Variants in CBX8 observed in about 807,000 individuals in gnomAD.
The protein encoded by CBX8 is chromobox 8.
CBX8 carries 8 observed loss-of-function variants against 39.7 expected under a neutral mutation model. The observed-to-expected ratio is 0.20, with a 90% CI of 0.12 to 0.36. The LOEUF (loss-of-function observed/expected upper bound fraction) is 0.36. Ranked by LOEUF, CBX8 falls within the 10% of genes least tolerant of loss-of-function variation. The probability of loss-of-function intolerance (pLI) is 1.00; values close to 1 mark genes in which losing one functional copy is unlikely to be tolerated. For missense variants in CBX8, 505 were observed against 529.6 expected, an observed-to-expected ratio of 0.95 and a Z score of 0.46; for synonymous variants, 268 against 219.8, an observed-to-expected ratio of 1.22 and a Z score of -1.94.
intron 1 of CBX8, 55 bp from the exon 2 acceptor site, chr17:79,796,595 T>A: frequency 6.3e-7 from 1 of 1,597,460 alleles, no homozygotes; most frequent in Non-Finnish European, 8.6e-7. Flanking sequence ...ATGACGAGGA[T>A]ACAAGAAATG....
Position 79,795,827 on chromosome 17 carries a change from T to C in CBX8, c.246+230A>G, listed in dbSNP as rs1032032756. On this transcript the variant is annotated intron_variant, in intron 4 of 4. Coordinates refer to ENST00000269385, the MANE Select transcript of CBX8 (RefSeq NM_020649.3). The surrounding 1 kb of genome is among the most constrained non-coding windows in gnomAD (Gnocchi z 5.8). ...AAAGTACACTTTTTGCATTTGATTA[T>C]TGTGTCCATTTGGGAGGGGGAGCGT... 4.6e-5 allele frequency among the ~76,000 whole-genome samples: 7 copies of C among 152,194 alleles called. No individual in the cohort carries two copies. The highest frequency in any genetic ancestry group is 1.2e-4 in the African/African-American group (5 of 41,448).
In CBX8 at chr17:79,794,561, G is replaced by T; in HGVS notation, c.*74C>A. ...CAGCCAAAAGGCCACATCCCACCCA[G>T]AAATAAAAATCACTATGCCAAGCTC... On this transcript the variant is annotated 3_prime_UTR_variant, in exon 5 of 5. Transcript: ENST00000269385. 8.1e-7 allele frequency: 1 copy of T among 1,229,720 alleles called. No homozygotes were observed. Among genetic ancestry groups the T allele is most frequent in the Non-Finnish European group, 1.1e-6 (1 of 883,812 alleles). 76.2% of individuals were successfully genotyped at this position (1,229,720 alleles called of 1,614,324 possible).
rs941619894 is a variant in CBX8, at chr17:79,793,152, G to A, written c.*1483C>T. ...GGAGCGCAGAGCGGTCAAGTCCGCC[G>A]GGCAGGGGCGTCCCAGGCCCCGCCG... On this transcript the variant is annotated 3_prime_UTR_variant, in exon 5 of 5. Transcript: ENST00000269385. The A allele has an allele frequency of 7.9e-5, 12 of 152,366 alleles. No individual in the cohort carries two copies. The highest frequency in any genetic ancestry group is 1.5e-4 in the Non-Finnish European group (10 of 68,058). The allele number at this position is 152,366 out of a possible 1,614,324, so 9.4% of individuals were successfully genotyped here. A position where few individuals can be genotyped will look rare whatever the true frequency, so the allele number is the denominator to read the frequency against.
chr17:79,796,448 A>C (rs1443478341), intron 2 of CBX8, 49 bp downstream of exon 2: 2 of 1,612,124 alleles, frequency 1.2e-6, no homozygotes, highest in East Asian at 2.2e-5. Context: ...GAAGAAAGAA[A>C]CCTCCCGAAT....
chr17:79,795,977 T>C lies in CBX8; in HGVS notation c.246+80A>G, dbSNP rs773664371. Reference sequence around the variant, plus strand: ...ATAGGCAACATGTGTGGACACCCCATTGGCTCACAGCCCTCAGAGCCCCCT... The same window carrying C: ...ATAGGCAACATGTGTGGACACCCCACTGGCTCACAGCCCTCAGAGCCCCCT... On this transcript the variant is annotated intron_variant, in intron 4 of 4. Coordinates refer to ENST00000269385, the MANE Select transcript of CBX8 (RefSeq NM_020649.3). The surrounding 1 kb of genome is among the most constrained non-coding windows in gnomAD (Gnocchi z 5.8). 7.6e-5 allele frequency: 99 copies of C among 1,299,834 alleles called. No homozygotes were observed. Among genetic ancestry groups the C allele is most frequent in the Non-Finnish European group, 1.1e-4 (97 of 902,676 alleles). The allele number at this position is 1,299,834 out of a possible 1,614,324, so 80.5% of individuals were successfully genotyped here.
In CBX8 at chr17:79,796,422, G is replaced by A. The variant is rs554146536; in HGVS notation, c.113+75C>T. The A allele has an allele frequency of 5.0e-6, 8 of 1,603,322 alleles. No homozygotes were observed. The Admixed American group carries it at 5.0e-5, about 10-fold the overall frequency. ...TCATTGCATTGTATTGTATTTCAATGTAAAGGCAAAAAGAGGAAGAAAGAA... is the reference window on the plus strand; with the variant it reads ...TCATTGCATTGTATTGTATTTCAATATAAAGGCAAAAAGAGGAAGAAAGAA... On this transcript the variant is annotated intron_variant, in intron 2 of 4. Transcript: ENST00000269385.
At position 79,795,806 on chromosome 17, in the gene CBX8, T is replaced by G. The variant is rs2145839070; in HGVS notation, c.247-248A>C. 6.6e-6 allele frequency among the ~76,000 whole-genome samples: 1 copy of G among 152,272 alleles called. No individual in the cohort carries two copies. ...GCTGGAAGTAGTCATTTGCAAAAAG[T>G]ACACTTTTTGCATTTGATTATTGTG... On this transcript the variant is annotated intron_variant, in intron 4 of 4. Coordinates refer to ENST00000269385, the MANE Select transcript of CBX8 (RefSeq NM_020649.3). This position sits in a 1 kb window ranked among gnomAD's most constrained non-coding sequence, Gnocchi z 5.8.
Position 79,794,544 on chromosome 17 carries a change from A to T in CBX8, c.*91T>A. 2.0e-6 allele frequency: 2 copies of T among 1,019,384 alleles called. No individual in the cohort carries two copies. The highest frequency in any genetic ancestry group is 2.9e-6 in the Non-Finnish European group (2 of 698,676). The allele number at this position is 1,019,384 out of a possible 1,614,324, so 63.1% of individuals were successfully genotyped here. On this transcript the variant is annotated 3_prime_UTR_variant, in exon 5 of 5. Transcript: ENST00000269385. ...GACATCAGGGACGGGACCAGCCAAA[A>T]GGCCACATCCCACCCAGAAATAAAA...
chr17:79,794,829 C>G lies in CBX8; in HGVS notation c.976G>C (p.Ala326Pro), dbSNP rs761614234. ...SGGGLYRDMG[A>P]QGGRPSLIAR... ...ATGAGGGAGGGCCTTCCCCCCTGGG[C>G]CCCCATGTCCCGGTACAGGCCCCCC... is the stretch of plus-strand genomic sequence containing the variant. Residue 326 changes from alanine (A) to proline (P), a missense_variant, in exon 5 of 5, where the codon GCC becomes CCC. Physicochemically the swap from Ala to Pro is conservative, Grantham distance 27. Coordinates refer to ENST00000269385, the MANE Select transcript of CBX8 (RefSeq NM_020649.3). 1 of 1,608,610 alleles carries G rather than the reference C, an allele frequency of 6.2e-7. No individual in the cohort carries two copies. The highest frequency in any genetic ancestry group is 8.5e-7 in the Non-Finnish European group (1 of 1,177,734).
Position 79,795,289 on chromosome 17 carries a change from C to G in CBX8, c.516G>C (p.Arg172=). The G allele has an allele frequency of 3.1e-6, 5 of 1,598,058 alleles. No homozygotes were observed. Among genetic ancestry groups the G allele is most frequent in the Non-Finnish European group, 4.3e-6 (5 of 1,172,240 alleles). ...RERERERERE[R]ERERERERGT... The stretch of plus-strand genomic sequence containing the variant: ...CCCGCTCTCGTTCCCTCTCACGTTC[C>G]CGCTCCCTCTCTCGCTCCCTCTCCC... Residue 172 remains arginine (R), a synonymous_variant, in exon 5 of 5, where the codon CGG becomes CGC. Transcript: ENST00000269385. This position sits in a 1 kb window ranked among gnomAD's most constrained non-coding sequence, Gnocchi z 5.8.
Position 79,793,770 on chromosome 17 carries a change from T to C in CBX8, c.*865A>G, listed in dbSNP as rs545902362. On this transcript the variant is annotated 3_prime_UTR_variant, in exon 5 of 5. Transcript: ENST00000269385. ...AGCACTGACACGCAATCCTCCCAAT[T>C]TATCCTGGCATTTCGGGAATGTAAA... is the stretch of plus-strand genomic sequence containing the variant. 6.6e-6 allele frequency: 1 copy of C among 152,366 alleles called. No homozygotes were observed. The highest frequency in any genetic ancestry group is 2.4e-5 in the African/African-American group (1 of 41,590). The allele number at this position is 152,366 out of a possible 1,614,324, so 9.4% of individuals were successfully genotyped here. A position where few individuals can be genotyped will look rare whatever the true frequency, so the allele number is the denominator to read the frequency against.
chr17:79,794,161 G>C lies in CBX8; in HGVS notation c.*474C>G, dbSNP rs1367102658. The C allele has an allele frequency of 1.3e-5, 2 of 152,170 alleles. No individual in the cohort carries two copies. The highest frequency in any genetic ancestry group is 3.9e-4 in the East Asian group (2 of 5,182). 9.4% of individuals were successfully genotyped at this position (152,170 alleles called of 1,614,324 possible). ...CCAATGGGAAGAGAGAGCAAATCTGGGCCGGGCCTTGGTGCCAGGAGTCTG... is the reference window on the plus strand; with the variant it reads ...CCAATGGGAAGAGAGAGCAAATCTGCGCCGGGCCTTGGTGCCAGGAGTCTG... On this transcript the variant is annotated 3_prime_UTR_variant, in exon 5 of 5. Transcript: ENST00000269385.
At position 79,796,062 on chromosome 17, in the gene CBX8, G is replaced by A; in HGVS notation, c.241C>T (p.Leu81Phe). 1 of 1,614,054 alleles carries A rather than the reference G, an allele frequency of 6.2e-7. No homozygotes were observed. Among genetic ancestry groups the A allele is most frequent in the South Asian group, 1.1e-5 (1 of 91,082 alleles). Residue 81 changes from leucine (L) to phenylalanine (F), a missense_variant, in exon 4 of 5, where the codon CTC becomes TTC. Coordinates refer to ENST00000269385, the MANE Select transcript of CBX8 (RefSeq NM_020649.3). ...ATTGGACACTGCCAACCTACTTTGA[G>A]GAGGAAGGTTTTGGGCTTGGGTCCA... The part of the protein sequence containing the change: ...KRGPKPKTFL[L>F]KAQAKAKAKT...
rs1907936700 is a variant in CBX8, at chr17:79,793,068, AGTGGAGGGGACTGATTT to A, written c.*1550_*1566del. 1 of 152,326 alleles carries A rather than the reference AGTGGAGGGGACTGATTT, an allele frequency of 6.6e-6. No individual in the cohort carries two copies. The highest frequency in any genetic ancestry group is 6.5e-5 in the Admixed American group (1 of 15,310). 9.4% of individuals were successfully genotyped at this position (152,326 alleles called of 1,614,324 possible). A position where few individuals can be genotyped will look rare whatever the true frequency, so the allele number is the denominator to read the frequency against. ...TCCGTGCTCCAAGAGACGGGGGTGG[AGTGGAGGGGACTGATTT>A]GTGCTTTTGAGTCAAAAGAGGGGCG... On this transcript the variant is annotated 3_prime_UTR_variant, in exon 5 of 5. Coordinates refer to ENST00000269385, the MANE Select transcript of CBX8 (RefSeq NM_020649.3).
Position 79,793,587 on chromosome 17 carries a change from CCA to C in CBX8, c.*1046_*1047del, listed in dbSNP as rs1013987878. On this transcript the variant is annotated 3_prime_UTR_variant, in exon 5 of 5. Transcript: ENST00000269385. ...GTGGGCCTGTCTGGCCATGTGTCCA[CCA>C]CAGAGCTGGCGGCCCGCCCTCCCCA... 14 of 152,290 alleles carry C rather than the reference CCA, an allele frequency of 9.2e-5. No individual in the cohort carries two copies. The highest frequency in any genetic ancestry group is 5.2e-4 in the Admixed American group (8 of 15,290). 9.4% of individuals were successfully genotyped at this position (152,290 alleles called of 1,614,324 possible).
In CBX8 at chr17:79,795,331, CCGGTCCCTATCCCGGTCT is replaced by C; in HGVS notation, c.456_473del (p.Asp153_Arg158del). ...CCCTCTCCCTTTCTCGATCCCGCTCCCGGTCCCTATCCCGGTCTCGGTCCCGGTCCCGAGGGGCCTCTG... is the reference window on the plus strand; with the variant it reads ...CCCTCTCCCTTTCTCGATCCCGCTCCCGGTCCCGGTCCCGAGGGGCCTCTG... On this transcript the variant is annotated inframe_deletion, in exon 5 of 5. Coordinates refer to ENST00000269385, the MANE Select transcript of CBX8 (RefSeq NM_020649.3). The surrounding 1 kb of genome is among the most constrained non-coding windows in gnomAD (Gnocchi z 5.8). 2 of 1,583,698 alleles carry C rather than the reference CCGGTCCCTATCCCGGTCT, an allele frequency of 1.3e-6. No homozygotes were observed. Among genetic ancestry groups the C allele is most frequent in the South Asian group, 1.1e-5 (1 of 87,502 alleles).
chr17:79,794,817 T>G lies in CBX8; in HGVS notation c.988A>C (p.Arg330=). The G allele has an allele frequency of 6.2e-7, 1 of 1,610,778 alleles. No homozygotes were observed. Among genetic ancestry groups the G allele is most frequent in the East Asian group, 2.2e-5 (1 of 44,842 alleles). The change falls in exon 5 of 5, where the codon AGG becomes CGG. Residue 330 remains arginine (R), a synonymous_variant. Transcript: ENST00000269385. ...GGGATCCTGGCGATGAGGGAGGGCC[T>G]TCCCCCCTGGGCCCCCATGTCCCGG... ...LYRDMGAQGG[R]PSLIARIPVA...
chr17:79,792,721 G>C lies in CBX8; in HGVS notation c.*1914C>G, dbSNP rs1003563138. 1 of 152,146 alleles carries C rather than the reference G, an allele frequency of 6.6e-6. No homozygotes were observed. Among genetic ancestry groups the C allele is most frequent in the African/African-American group, 2.4e-5 (1 of 41,408 alleles). 9.4% of individuals were successfully genotyped at this position (152,146 alleles called of 1,614,324 possible). Reference sequence around the variant, plus strand: ...AGTAGATAAAAATCCCCATTCCAGGGGCTTCTCTTTATAGGCGCAATTTGA... The same window carrying C: ...AGTAGATAAAAATCCCCATTCCAGGCGCTTCTCTTTATAGGCGCAATTTGA... On this transcript the variant is annotated 3_prime_UTR_variant, in exon 5 of 5. Transcript: ENST00000269385.
Position 79,795,413 on chromosome 17 carries a change from G to C in CBX8, c.392C>G (p.Pro131Arg), listed in dbSNP as rs759779387. The change falls in exon 5 of 5, where the codon CCG becomes CGG. Residue 131 changes from proline (P) to arginine (R), a missense_variant. Pro to Arg is a moderately radical substitution (Grantham distance 103). Coordinates refer to ENST00000269385, the MANE Select transcript of CBX8 (RefSeq NM_020649.3). The surrounding 1 kb of genome is among the most constrained non-coding windows in gnomAD (Gnocchi z 5.8). Reference sequence around the variant, plus strand: ...GCTGGTGCTGGTGCTGCTCGCTGGCGGGGACAAACCCATGTTTCGAAGGCC... The same window carrying C: ...GCTGGTGCTGGTGCTGCTCGCTGGCCGGGACAAACCCATGTTTCGAAGGCC... ...REGLRNMGLS[P>R]PASSTSTSST... 3 of 1,603,970 alleles carry C rather than the reference G, an allele frequency of 1.9e-6. No individual in the cohort carries two copies. Among genetic ancestry groups the C allele is most frequent in the Non-Finnish European group, 2.6e-6 (3 of 1,176,358 alleles).
Sources: allele counts gnomAD v4.1 joint callset (sites outside exome capture counted in the v4.1 genomes callset), GRCh38; gene constraint gnomAD v4.1.1; non-coding constraint Gnocchi (gnomAD v3.1); transcripts MANE v1.5; gene names NCBI Gene and HGNC (gene_info 2026-07-23, HGNC 2026-07-21).